Variants in AFG2B observed in about 807,000 individuals in gnomAD.
AFG2B encodes the protein ATPase family gene 2 protein homolog B.
the AFG2B span, among the ~76,000 whole-genome samples, chr15:45,413,787 A>T: frequency 6.6e-6 from 1 of 152,074 alleles, no homozygotes; most frequent in Non-Finnish European, 1.5e-5. Flanking sequence ...CTTGAATTAC[A>T]TTGTCTGGGG....
the AFG2B span, among the ~76,000 whole-genome samples, chr15:45,404,267 C>G: frequency 1.3e-5 from 2 of 152,082 alleles, no homozygotes; most frequent in African/African-American, 4.8e-5. Context: ...CTATCTAGTA[C>G]CTGTGTCCTT....
At chr15:45,417,156 T>G in the AFG2B span, 829 of 1,310,632 alleles carry the variant, frequency 6.3e-4, no homozygotes, top group Non-Finnish European at 8.1e-4. Flanking sequence ...AGCATTCTGG[T>G]CCCAAGAAAA....
the AFG2B span, chr15:45,414,613 A>C: frequency 8.5e-5 from 138 of 1,614,174 alleles, no homozygotes; most frequent in Middle Eastern, 1.6e-4. Flanking sequence ...ATTTGTTAGA[A>C]TGGGCCTGAC....
chr15:45,415,829 C>T, the AFG2B span: 1 of 1,566,800 alleles, frequency 6.4e-7, no homozygotes, highest in Non-Finnish European at 8.7e-7. Context: ...AGCCAGAATG[C>T]ACCTAAAATC....
At chr15:45,405,340 A>G in the AFG2B span, 1 of 1,614,104 alleles carries the variant, frequency 6.2e-7, no homozygotes, top group Non-Finnish European at 8.5e-7. Flanking sequence ...GGACTCCCAC[A>G]CTTAAACAAA....
At chr15:45,404,824 G>GA in the AFG2B span, among the ~76,000 whole-genome samples, 13 of 109,472 alleles carry the variant, frequency 1.2e-4, no homozygotes, top group African/African-American at 2.2e-4. Flanking sequence ...AAAAAAAAAA[G>GA]AAAAAAAAAA....
the AFG2B span, among the ~76,000 whole-genome samples, chr15:45,419,986 TC>T: frequency 1.4e-3 from 68 of 49,248 alleles, 1 homozygote; most frequent in African/African-American, 2.5e-3. Flanking sequence ...CAAGACTCTG[TC>T]CCCCCCCCCC....
At chr15:45,411,278 A>G in the AFG2B span, among the ~76,000 whole-genome samples, 1 of 152,166 alleles carries the variant, frequency 6.6e-6, no homozygotes, top group Non-Finnish European at 1.5e-5. Flanking sequence ...CCAAGAGTTC[A>G]AGACCAGACT....
chr15:45,408,549 G>T, the AFG2B span, among the ~76,000 whole-genome samples: 4 of 152,324 alleles, frequency 2.6e-5, no homozygotes, highest in Admixed American at 2.6e-4. Context: ...GTATAGTGTT[G>T]TGTCCTTAGA....
chr15:45,415,669 G>A, the AFG2B span: 9 of 1,614,128 alleles, frequency 5.6e-6, no homozygotes, highest in Non-Finnish European at 7.6e-6. Flanking sequence ...CGCTCAGCCA[G>A]CAAGACAGGA....
At chr15:45,402,351 T>G in the AFG2B span, 1 of 1,539,112 alleles carries the variant, frequency 6.5e-7, no homozygotes, top group Non-Finnish European at 8.7e-7. Flanking sequence ...GCTTCCGGCC[T>G]GCGAGCTCGG....
At chr15:45,405,391 C>G in the AFG2B span, 1 of 1,614,196 alleles carries the variant, frequency 6.2e-7, no homozygotes, top group South Asian at 1.1e-5. Flanking sequence ...AGATGCCCAT[C>G]TCCAGTCATG....
the AFG2B span, among the ~76,000 whole-genome samples, chr15:45,420,700 A>AG: frequency 1.3e-5 from 2 of 152,042 alleles, no homozygotes; most frequent in Non-Finnish European, 2.9e-5. Flanking sequence ...TTGTTAAAAA[A>AG]AAAAGAAAAG....
At chr15:45,411,966 C>T in the AFG2B span, among the ~76,000 whole-genome samples, 4 of 151,878 alleles carry the variant, frequency 2.6e-5, no homozygotes, top group African/African-American at 7.3e-5. Context: ...GGCGTGGTGG[C>T]GCATGCCTGT....
the AFG2B span, chr15:45,417,447 C>A: frequency 1.2e-6 from 2 of 1,602,512 alleles, no homozygotes; most frequent in Non-Finnish European, 1.7e-6. Context: ...GAATTGAATT[C>A]CAACTTGGAT....
chr15:45,417,053 C>T, the AFG2B span: 2 of 443,854 alleles, frequency 4.5e-6, no homozygotes, highest in Non-Finnish European at 8.1e-6. Context: ...CTCTTAGCTA[C>T]TCCCTTAGCC....
At chr15:45,407,178 G>A in the AFG2B span, 3 of 1,269,658 alleles carry the variant, frequency 2.4e-6, no homozygotes, top group Non-Finnish European at 2.0e-6. Flanking sequence ...CAGGGGAAGT[G>A]GAAGGAAGAA....
the AFG2B span, among the ~76,000 whole-genome samples, chr15:45,406,238 A>G: frequency 6.6e-6 from 1 of 152,146 alleles, no homozygotes; most frequent in Admixed American, 6.6e-5. Context: ...TTTCTTCATG[A>G]TTCAATTCAG....
chr15:45,406,934 G>T, the AFG2B span: 8 of 1,043,610 alleles, frequency 7.7e-6, no homozygotes, highest in Middle Eastern at 2.4e-4. Flanking sequence ...AGTTCTGTGT[G>T]TAAAGATGTG....
Sources: gnomAD v4.1 joint callset for allele counts (sites outside exome capture counted in the v4.1 genomes callset) on GRCh38, gnomAD v4.1.1 for gene constraint, MANE v1.5 for transcripts, NCBI Gene and HGNC (gene_info 2026-07-23, HGNC 2026-07-21) for gene names.